STIM1: variants seen among roughly 807,000 people sequenced by gnomAD.
The protein encoded by STIM1 is stromal interaction molecule 1.
Under a neutral mutation model 74.7 loss-of-function variants are expected in STIM1, and 25 were observed. That is an observed-to-expected ratio of 0.33 (90% CI 0.24 to 0.47). The LOEUF (loss-of-function observed/expected upper bound fraction) is 0.47. Among genes scored for constraint, STIM1 ranks in the 20% least tolerant of loss-of-function variants. The probability of loss-of-function intolerance (pLI) is 1.00; values close to 1 mark genes in which losing one functional copy is unlikely to be tolerated. For missense variants in STIM1, 728 were observed against 920.8 expected (o/e 0.79, Z 2.71); for synonymous variants, 328 against 348.8 (o/e 0.94, Z 0.66).
At chr11:4,090,608 C>T (rs1417430553) in intron 12 of STIM1, among the ~76,000 whole-genome samples, 1 of 152,230 alleles carries the variant, frequency 6.6e-6, no homozygotes, top group African/African-American at 2.4e-5. Flanking sequence ...TGCATGTGCC[C>T]TGTTCCTTGG....
chr11:4,006,707 C>T (rs1200704094), intron 2 of STIM1, among the ~76,000 whole-genome samples: 2 of 152,144 alleles, frequency 1.3e-5, no homozygotes, highest in East Asian at 3.8e-4. Context: ...AGCCACTGTG[C>T]CCAGCCACAG....
intron 2 of STIM1, among the ~76,000 whole-genome samples, chr11:3,995,811 CTTT>C (rs71466144): frequency 1.4e-3 from 188 of 137,854 alleles, no homozygotes; most frequent in Admixed American, 2.1e-3. Context: ...CACCTGGCTT[CTTT>C]TTTTTTTTTT....
chr11:3,932,666 GAAAAAAA>G (rs57059104), intron 1 of STIM1, among the ~76,000 whole-genome samples: 1 of 86,970 alleles, frequency 1.1e-5, no homozygotes, highest in African/African-American at 4.4e-5. Context: ...TGTCTCAAAG[GAAAAAAA>G]AAAAAAAAAA....
At chr11:4,007,978 C>T (rs1351166688) in intron 2 of STIM1, among the ~76,000 whole-genome samples, 1 of 152,054 alleles carries the variant, frequency 6.6e-6, no homozygotes, top group Non-Finnish European at 1.5e-5. Context: ...AACTCCCCAA[C>T]CTTTAAGATA....
At chr11:3,947,496 C>G (rs1273808831) in intron 1 of STIM1, 1 of 152,160 alleles carries the variant, frequency 6.6e-6, no homozygotes, top group Non-Finnish European at 1.5e-5. Context: ...ATATATGTCT[C>G]TTGTTTATTA....
At chr11:3,971,683 C>G (rs1041361437) in intron 2 of STIM1, among the ~76,000 whole-genome samples, 1 of 152,216 alleles carries the variant, frequency 6.6e-6, no homozygotes, top group African/African-American at 2.4e-5. Flanking sequence ...CCCTTTTACT[C>G]CCTGCCAGGA....
chr11:3,907,561 C>T (rs1246864828), intron 1 of STIM1, among the ~76,000 whole-genome samples: 1 of 152,236 alleles, frequency 6.6e-6, no homozygotes, highest in Admixed American at 6.5e-5. Flanking sequence ...AATAGCCTAA[C>T]TGATTGCCCT....
intron 3 of STIM1, among the ~76,000 whole-genome samples, chr11:4,027,935 C>T (rs148693194): frequency 1.2e-4 from 19 of 152,288 alleles, no homozygotes; most frequent in African/African-American, 4.3e-4. Context: ...ATAACAGTGT[C>T]ATTTTTGGAG....
chr11:3,974,395 G>A (rs1417913312), intron 2 of STIM1, among the ~76,000 whole-genome samples: 3 of 151,768 alleles, frequency 2.0e-5, no homozygotes, highest in Non-Finnish European at 2.9e-5. Flanking sequence ...ATATAATCAG[G>A]CCAGTTGTGG....
At chr11:4,027,398 G>A (rs376174199) in intron 3 of STIM1, among the ~76,000 whole-genome samples, 5 of 151,770 alleles carry the variant, frequency 3.3e-5, no homozygotes, top group East Asian at 1.9e-4. Flanking sequence ...TGCCACCTCC[G>A]CCTCCCAGGT....
At chr11:4,051,820 C>T (rs191196426) in intron 3 of STIM1, among the ~76,000 whole-genome samples, 2 of 152,266 alleles carry the variant, frequency 1.3e-5, no homozygotes, top group African/African-American at 4.8e-5. Flanking sequence ...CTAATTGTCC[C>T]TGTTTGCAGA....
At chr11:3,916,785 G>A (rs2092650384) in intron 1 of STIM1, among the ~76,000 whole-genome samples, 3 of 151,468 alleles carry the variant, frequency 2.0e-5, no homozygotes, top group African/African-American at 2.4e-5. Context: ...ACGGGGTTTC[G>A]CCATGTTGGC....
chr11:4,026,306 C>T (rs2093997243), intron 3 of STIM1, among the ~76,000 whole-genome samples: 1 of 152,326 alleles, frequency 6.6e-6, no homozygotes, highest in East Asian at 1.9e-4. Context: ...TTTCTAATCT[C>T]TATCTTAGCC....
chr11:4,076,723 T>TC (rs59973839), intron 7 of STIM1, among the ~76,000 whole-genome samples: 8 of 133,672 alleles, frequency 6.0e-5, no homozygotes, highest in African/African-American at 2.5e-4. Context: ...CAGGAATCTC[T>TC]TTTTTTTTTT....
Position 4,060,410 on chromosome 11 carries a change from G to C in STIM1, c.613+1014G>C, listed in dbSNP as rs2094322609. 2.6e-5 allele frequency among the ~76,000 whole-genome samples: 4 copies of C among 152,298 alleles called. 1 individual carries two copies. In the South Asian group the frequency reaches 8.3e-4, roughly 32 times the overall value. ...GTCAGAGGCCATATAACATTTCCCT[G>C]TCTGTGAATATGGCTTGGCTAATGT... is the stretch of plus-strand genomic sequence containing the variant. On this transcript the variant is annotated intron_variant, in intron 5 of 12. Transcript: ENST00000526596.
At chr11:3,923,993 G>GTTTA (rs1244475595) in intron 1 of STIM1, among the ~76,000 whole-genome samples, 23 of 151,940 alleles carry the variant, frequency 1.5e-4, no homozygotes, top group East Asian at 3.9e-4. Flanking sequence ...CATTTATTCA[G>GTTTA]TTTATTTATT....
intron 1 of STIM1, among the ~76,000 whole-genome samples, chr11:3,894,367 G>T (rs1301160619): frequency 1.3e-5 from 2 of 152,094 alleles, no homozygotes; most frequent in African/African-American, 4.8e-5. Context: ...TTACCCTAGA[G>T]CCAGGCTTCA....
intron 1 of STIM1, among the ~76,000 whole-genome samples, chr11:3,906,327 C>T (rs111413833): frequency 1.8e-4 from 27 of 152,252 alleles, no homozygotes; most frequent in Non-Finnish European, 2.5e-4. Flanking sequence ...TTACCTCAGG[C>T]GAGTCATTCT....
At chr11:3,886,116 ATTG>A (rs1477338926) in intron 1 of STIM1, among the ~76,000 whole-genome samples, 1 of 152,224 alleles carries the variant, frequency 6.6e-6, no homozygotes, top group Non-Finnish European at 1.5e-5. Context: ...TAAAGAATGA[ATTG>A]TTATCTCCGA....
Sources: gnomAD v4.1 joint callset for allele counts (sites outside exome capture counted in the v4.1 genomes callset) on GRCh38, gnomAD v4.1.1 for gene constraint, MANE v1.5 for transcripts, NCBI Gene and HGNC (gene_info 2026-07-23, HGNC 2026-07-21) for gene names.